Variants in PGAP4 observed in about 807,000 individuals in gnomAD.
The protein encoded by PGAP4 is GPI-N-acetylgalactosamine transferase PGAP4.
Under a neutral mutation model 28.2 loss-of-function variants are expected in PGAP4, and 12 were observed. The ratio of observed to expected loss-of-function variants is 0.42; its 90% CI spans 0.27 to 0.69. PGAP4 has a LOEUF of 0.69. Ranked by LOEUF, PGAP4 falls within the 30% of genes least tolerant of loss-of-function variation. The pLI, the probability that PGAP4 is intolerant of heterozygous loss-of-function variation, is 0.22. For missense variants in PGAP4, 425 were observed against 513.5 expected, an observed-to-expected ratio of 0.83 and a Z score of 1.67; for synonymous variants, 205 against 211.8, an observed-to-expected ratio of 0.97 and a Z score of 0.28.
Position 101,477,025 on chromosome 9 carries a change from G to T in PGAP4, c.68C>A (p.Thr23Asn), listed in dbSNP as rs150240905. 1 of 1,613,174 alleles carries T rather than the reference G, an allele frequency of 6.2e-7. No individual in the cohort carries two copies. The highest frequency in any genetic ancestry group is 8.5e-7 in the Non-Finnish European group (1 of 1,179,846). The change falls in exon 2 of 2, where the codon ACT (threonine) becomes AAT (asparagine). Residue 23 changes from threonine to asparagine, a missense_variant. By Grantham distance (65) the Thr-to-Asn change is moderately conservative (BLOSUM62 0). Transcript: ENST00000374848. ...RRLRRLSWGS[T>N]AVQLFILTVV... is the part of the protein sequence containing the mutation. ...TGTTAGGATGAAGAGCTGGACAGCA[G>T]TGCTGCCCCAGGAGAGTCGCCGCAG...
At chr9:101,496,176 C>A (rs1826746083) in intron 2 of PGAP4, among the ~76,000 whole-genome samples, 1 of 151,302 alleles carries the variant, frequency 6.6e-6, no homozygotes, top group African/African-American at 2.4e-5. Context: ...AACTTTATGA[C>A]AACATCTCAG....
rs181823975 is a variant in PGAP4 at position 101,527,479 on chromosome 9, C to A, written c.-165+3869G>T. 2.6e-3 allele frequency among the ~76,000 whole-genome samples: 401 copies of A among 152,108 alleles called. 5 individuals carry two copies. The highest frequency in any genetic ancestry group is 0.019 in the Admixed American group (289 of 15,284). On this transcript the variant is annotated intron_variant, in intron 2 of 3. Transcript: ENST00000374851. ...ATCAGTTATATTTATATCAATTCTCCCTTATTGATCCTAGAATAATTTAAA... is the reference window on the plus strand; with the variant it reads ...ATCAGTTATATTTATATCAATTCTCACTTATTGATCCTAGAATAATTTAAA...
intron 2 of PGAP4, among the ~76,000 whole-genome samples, chr9:101,499,927 AT>A (rs1344273233): frequency 6.6e-6 from 1 of 152,056 alleles, no homozygotes; most frequent in Non-Finnish European, 1.5e-5. Context: ...TAGACATTAT[AT>A]ACAACCCTAA....
In PGAP4 at chr9:101,475,324, C is replaced by A. The variant is rs1157512562; in HGVS notation, c.*557G>T. The A allele has an allele frequency of 1.9e-5, 3 of 156,156 alleles. No homozygotes were observed. The highest frequency in any genetic ancestry group is 1.9e-4 in the South Asian group (1 of 5,174). 9.7% of individuals were successfully genotyped at this position (156,156 alleles called of 1,614,324 possible). A position where few individuals can be genotyped will look rare whatever the true frequency, so the allele number is the denominator to read the frequency against. Reference sequence around the variant, plus strand: ...GGTAACAGAAAAGCCAGATCACCTGCCTCCAAGATGCCGGGCACTGCACGG... The same window carrying A: ...GGTAACAGAAAAGCCAGATCACCTGACTCCAAGATGCCGGGCACTGCACGG... On this transcript the variant is annotated 3_prime_UTR_variant, in exon 2 of 2. Transcript: ENST00000374848.
intron 2 of PGAP4, among the ~76,000 whole-genome samples, chr9:101,499,312 G>T (rs1335025638): frequency 4.6e-5 from 7 of 151,860 alleles, no homozygotes; most frequent in African/African-American, 1.5e-4. Context: ...ACTGCACACT[G>T]GTTCCAAAAG....
chr9:101,508,927 A>G (rs2118605374), intron 2 of PGAP4, among the ~76,000 whole-genome samples: 1 of 152,258 alleles, frequency 6.6e-6, no homozygotes, highest in South Asian at 2.1e-4. Flanking sequence ...CCTGTTTCAC[A>G]AAGGTAGGAT....
Position 101,476,247 on chromosome 9 carries a change from C to T in PGAP4, c.846G>A (p.Arg282=), listed in dbSNP as rs748209653. 6.2e-7 allele frequency: 1 copy of T among 1,614,082 alleles called. No individual in the cohort carries two copies. The highest frequency in any genetic ancestry group is 8.5e-7 in the Non-Finnish European group (1 of 1,180,014). ...AGCTAAACCCTGGGCGGCTGGCAAACCTCATGTATATCCAGGTTAGTAAGG... is the reference window on the plus strand; with the variant it reads ...AGCTAAACCCTGGGCGGCTGGCAAATCTCATGTATATCCAGGTTAGTAAGG... ...LGPLLTWIYM[R]FASRPGFSWP... is the part of the protein sequence containing the mutation. Residue 282 remains arginine, a synonymous_variant, in exon 2 of 2, where the codon AGG becomes AGA. Coordinates refer to ENST00000374848, the MANE Select transcript of PGAP4 (RefSeq NM_032342.3). This position sits in a 1 kb window ranked among gnomAD's most constrained non-coding sequence, Gnocchi z 7.0.
chr9:101,515,035 G>A (rs1003933854), intron 2 of PGAP4, among the ~76,000 whole-genome samples: 4 of 152,156 alleles, frequency 2.6e-5, no homozygotes, highest in African/African-American at 9.7e-5. Flanking sequence ...TTTGTTGAGT[G>A]CTATGTTAGT....
chr9:101,513,616 A>G (rs1826917379), intron 2 of PGAP4, among the ~76,000 whole-genome samples: 1 of 152,142 alleles, frequency 6.6e-6, no homozygotes, highest in Non-Finnish European at 1.5e-5. Context: ...TAGTTGCCTA[A>G]TTTGAGTTGG....
intron 2 of PGAP4, among the ~76,000 whole-genome samples, chr9:101,493,741 A>T (rs573632931): frequency 6.6e-6 from 1 of 152,140 alleles, no homozygotes; most frequent in Non-Finnish European, 1.5e-5. Flanking sequence ...TCTGGTCATG[A>T]CGTTAGCAGT....
At chr9:101,496,819 A>G (rs1003082878) in intron 2 of PGAP4, among the ~76,000 whole-genome samples, 1 of 150,780 alleles carries the variant, frequency 6.6e-6, no homozygotes, top group Non-Finnish European at 1.5e-5. Flanking sequence ...CATGTTTTAC[A>G]TTCTTTGAAT....
At chr9:101,487,727 G>A (rs898917515), upstream of PGAP4, among the ~76,000 whole-genome samples, 2 of 152,192 alleles carry the variant, frequency 1.3e-5, no homozygotes, top group Non-Finnish European at 2.9e-5. Context: ...TTTGCTGCCT[G>A]TTCTTGTACA....
chr9:101,504,431 T>C (rs1402401629), intron 2 of PGAP4, among the ~76,000 whole-genome samples: 1 of 151,916 alleles, frequency 6.6e-6, no homozygotes, highest in African/African-American at 2.4e-5. Flanking sequence ...TTTTTAACAA[T>C]TCTGGCAACC....
At chr9:101,512,378 G>T (rs1458865217) in intron 2 of PGAP4, among the ~76,000 whole-genome samples, 1 of 152,050 alleles carries the variant, frequency 6.6e-6, no homozygotes, top group African/African-American at 2.4e-5. Context: ...CCCTTACAAA[G>T]AAAGTGACCT....
At chr9:101,484,451 T>G (rs1383616207) in intron 1 of PGAP4, among the ~76,000 whole-genome samples, 1 of 152,194 alleles carries the variant, frequency 6.6e-6, no homozygotes, top group Non-Finnish European at 1.5e-5. Flanking sequence ...AGGTTTGTGC[T>G]TTGGACTGAA....
At chr9:101,493,347 A>G (rs570472000) in intron 2 of PGAP4, among the ~76,000 whole-genome samples, 3 of 151,764 alleles carry the variant, frequency 2.0e-5, no homozygotes, top group South Asian at 4.2e-4. Context: ...TCTGCCTTTT[A>G]TTTGTTGGCC....
chr9:101,497,073 A>T (rs1158206862), intron 2 of PGAP4, among the ~76,000 whole-genome samples: 1 of 150,812 alleles, frequency 6.6e-6, no homozygotes, highest in Non-Finnish European at 1.5e-5. Context: ...TCATTTATAG[A>T]TGAGAACTAT....
intron 2 of PGAP4, among the ~76,000 whole-genome samples, chr9:101,502,438 T>C (rs1468391091): frequency 6.6e-6 from 1 of 152,056 alleles, no homozygotes; most frequent in African/African-American, 2.4e-5. Flanking sequence ...TATGCCTCTG[T>C]GATTCCAGTA....
intron 1 of PGAP4, 97 bp from the exon 2 acceptor site, chr9:101,477,266 A>C: frequency 1.2e-6 from 1 of 862,618 alleles, no homozygotes; most frequent in South Asian, 3.2e-5. Context: ...AGCTCAGCAC[A>C]TATCAAACCA....
Sources: allele counts gnomAD v4.1 joint callset (sites outside exome capture counted in the v4.1 genomes callset), GRCh38; gene constraint gnomAD v4.1.1; non-coding constraint Gnocchi (gnomAD v3.1); transcripts MANE v1.5; gene names NCBI Gene and HGNC (gene_info 2026-07-23, HGNC 2026-07-21).